NRG3: variants seen among roughly 807,000 people sequenced by gnomAD.
NRG3 encodes the protein pro-neuregulin-3, membrane-bound isoform.
A neutral mutation model predicts 66.9 loss-of-function variants in NRG3; 31 were observed. The observed-to-expected ratio is 0.46, with a 90% CI of 0.35 to 0.63. The LOEUF (loss-of-function observed/expected upper bound fraction) is 0.63. Ranked by LOEUF, NRG3 falls within the 20% of genes least tolerant of loss-of-function variation. NRG3 has a pLI of 0.00. For synonymous variants in NRG3, 393 were observed against 359.4 expected, an observed-to-expected ratio of 1.09 and a Z score of -1.06; for missense variants, 910 against 878.9, an observed-to-expected ratio of 1.04 and a Z score of -0.45.
intron 2 of NRG3, among the ~76,000 whole-genome samples, chr10:82,385,163 A>AT (rs1211330762): frequency 6.6e-6 from 1 of 151,882 alleles, no homozygotes; most frequent in Admixed American, 6.6e-5. Context: ...TAAAGGGGTT[A>AT]TTTTTTTCTT....
intron 2 of NRG3, among the ~76,000 whole-genome samples, chr10:82,616,129 A>T (rs557224563): frequency 6.6e-6 from 1 of 152,264 alleles, no homozygotes; most frequent in Non-Finnish European, 1.5e-5. Context: ...AACATCTTTT[A>T]AAAATGCATT....
chr10:82,692,329 C>T (rs2055004675), intron 2 of NRG3, among the ~76,000 whole-genome samples: 1 of 151,768 alleles, frequency 6.6e-6, no homozygotes, highest in Non-Finnish European at 1.5e-5. Flanking sequence ...AATTTGTTGA[C>T]TCTTTTTTGG....
chr10:82,452,292 T>C (rs1590181517), intron 2 of NRG3, among the ~76,000 whole-genome samples: 1 of 152,242 alleles, frequency 6.6e-6, no homozygotes, highest in African/African-American at 2.4e-5. Flanking sequence ...TGACGGATTA[T>C]GTATTCACTA....
At chr10:82,379,907 A>T (rs1303091862) in intron 2 of NRG3, among the ~76,000 whole-genome samples, 4 of 136,338 alleles carry the variant, frequency 2.9e-5, no homozygotes, top group Admixed American at 7.3e-5. Context: ...AAAATGAACA[A>T]TCCAAAAAAA....
At chr10:82,822,888 G>A (rs1053136747) in intron 3 of NRG3, among the ~76,000 whole-genome samples, 1 of 152,042 alleles carries the variant, frequency 6.6e-6, no homozygotes, top group Admixed American at 6.5e-5. Flanking sequence ...TCAAAATAGT[G>A]GTGTGAGGTT....
chr10:82,629,175 T>C (rs2049637161), intron 2 of NRG3, among the ~76,000 whole-genome samples: 1 of 152,128 alleles, frequency 6.6e-6, no homozygotes. Context: ...CCCAGTATTG[T>C]CAAATGGGAA....
rs533256960 is a variant in NRG3 at position 82,047,834 on chromosome 10, G to T, written c.823+171671G>T. Among the ~76,000 whole-genome samples the T allele has an allele frequency of 5.8e-3, 885 of 152,172 alleles. 7 individuals carry two copies. Among genetic ancestry groups the T allele is most frequent in the African/African-American group, 0.02 (831 of 41,506 alleles). On this transcript the variant is annotated intron_variant, in intron 1 of 8. Coordinates refer to ENST00000372141, the MANE Select transcript of NRG3 (RefSeq NM_001010848.4). The stretch of plus-strand genomic sequence containing the variant: ...TTGGATAGAGTCAATACCCATCAGT[G>T]TGCTATATTCAGGAAACCCATCTCA...
At chr10:82,624,423 C>G (rs1379088261) in intron 2 of NRG3, among the ~76,000 whole-genome samples, 3 of 152,080 alleles carry the variant, frequency 2.0e-5, no homozygotes, top group Admixed American at 6.6e-5. Context: ...CCCACCTTAA[C>G]CATTCTCCTT....
At chr10:82,188,031 T>C (rs1350304245) in intron 1 of NRG3, among the ~76,000 whole-genome samples, 3 of 151,610 alleles carry the variant, frequency 2.0e-5, no homozygotes, top group Non-Finnish European at 2.9e-5. Flanking sequence ...AAAACAAAAC[T>C]GAAGGAATCA....
intron 1 of NRG3, among the ~76,000 whole-genome samples, chr10:82,052,213 C>A (rs2063631723): frequency 6.6e-6 from 1 of 152,058 alleles, no homozygotes; most frequent in Non-Finnish European, 1.5e-5. Context: ...TAGTTGTGAT[C>A]TACCTGTCTC....
At chr10:81,950,978 A>G (rs1340473397) in intron 1 of NRG3, among the ~76,000 whole-genome samples, 3 of 152,120 alleles carry the variant, frequency 2.0e-5, no homozygotes, top group Non-Finnish European at 2.9e-5. Flanking sequence ...TAAAAATGCT[A>G]TTTATGCTTG....
intron 2 of NRG3, among the ~76,000 whole-genome samples, chr10:82,549,314 A>G (rs1026568219): frequency 1.3e-5 from 2 of 152,208 alleles, no homozygotes; most frequent in African/African-American, 4.8e-5. Context: ...ACTGAATTCA[A>G]TGTGCATCAT....
intron 4 of NRG3, among the ~76,000 whole-genome samples, chr10:82,914,774 T>C (rs1436448238): frequency 6.8e-6 from 1 of 148,132 alleles, no homozygotes; most frequent in African/African-American, 2.5e-5. Flanking sequence ...CCCACACCCC[T>C]CCCCTTACAT....
At chr10:82,143,719 G>A (rs2070001293) in intron 1 of NRG3, among the ~76,000 whole-genome samples, 1 of 152,188 alleles carries the variant, frequency 6.6e-6, no homozygotes, top group Admixed American at 6.6e-5. Context: ...CCTTATAAGT[G>A]TTAAATGAGT....
chr10:82,349,846 C>T (rs532395726), intron 1 of NRG3, among the ~76,000 whole-genome samples: 14 of 152,312 alleles, frequency 9.2e-5, no homozygotes, highest in African/African-American at 2.9e-4. Flanking sequence ...GTCTGTCACC[C>T]CTTTCTTTGA....
At chr10:81,917,079 A>G (rs1845783555) in intron 1 of NRG3, among the ~76,000 whole-genome samples, 1 of 152,250 alleles carries the variant, frequency 6.6e-6, no homozygotes, top group African/African-American at 2.4e-5. Flanking sequence ...ATGGCTCAAA[A>G]TATAAATAAC....
chr10:81,901,327 G>A (rs1844050021), intron 1 of NRG3, among the ~76,000 whole-genome samples: 1 of 152,182 alleles, frequency 6.6e-6, no homozygotes, highest in Non-Finnish European at 1.5e-5. Context: ...AGGGTTATGT[G>A]GTCAACATGT....
intron 1 of NRG3, among the ~76,000 whole-genome samples, chr10:82,199,494 A>G (rs558181037): frequency 6.6e-6 from 1 of 152,318 alleles, no homozygotes; most frequent in South Asian, 2.1e-4. Context: ...ATTTATGTGA[A>G]TATATAAACT....
chr10:82,591,991 A>C (rs1450326134), intron 2 of NRG3, among the ~76,000 whole-genome samples: 1 of 152,188 alleles, frequency 6.6e-6, no homozygotes, highest in Non-Finnish European at 1.5e-5. Flanking sequence ...GAAACACCAG[A>C]GGTTTTATCC....
Sources: gnomAD v4.1 joint callset for allele counts (sites outside exome capture counted in the v4.1 genomes callset) on GRCh38, gnomAD v4.1.1 for gene constraint, MANE v1.5 for transcripts, NCBI Gene and HGNC (gene_info 2026-07-23, HGNC 2026-07-21) for gene names.